The following CBL variants were observed in gnomAD, a reference collection of about 807,000 sequenced individuals.
The protein encoded by CBL is Cbl proto-oncogene, also known as E3 ubiquitin-protein ligase CBL.
CBL carries 45 observed loss-of-function variants against 96.9 expected under a neutral mutation model. The ratio of observed to expected loss-of-function variants is 0.46; its 90% CI spans 0.37 to 0.60. The LOEUF (loss-of-function observed/expected upper bound fraction) is 0.60, where lower values mean the gene tolerates loss of function less well. CBL is among the 20% of genes least tolerant of loss of function. CBL has a pLI of 0.00. For synonymous variants in CBL, 420 were observed against 426.8 expected, an observed-to-expected ratio of 0.98 and a Z score of 0.20; for missense variants, 1,024 against 1,143.5, an observed-to-expected ratio of 0.90 and a Z score of 1.51.
intron 1 of CBL, among the ~76,000 whole-genome samples, chr11:119,220,997 G>A (rs1250385205): frequency 6.6e-6 from 1 of 152,100 alleles, no homozygotes; most frequent in Non-Finnish European, 1.5e-5. Context: ...TGTAATCCCA[G>A]CACTTTGGGA....
chr11:119,283,786 C>T (rs1472989029), intron 9 of CBL, among the ~76,000 whole-genome samples: 3 of 150,972 alleles, frequency 2.0e-5, no homozygotes, highest in Non-Finnish European at 4.4e-5. Context: ...TACAGGCGCC[C>T]GCCACCACAC....
intron 2 of CBL, among the ~76,000 whole-genome samples, chr11:119,244,280 G>A (rs1949607997): frequency 6.6e-6 from 1 of 152,148 alleles, no homozygotes. Context: ...AATAGTGCTT[G>A]TAGAGCAGTA....
chr11:119,227,958 T>C (rs1377790064), intron 1 of CBL, among the ~76,000 whole-genome samples: 4 of 152,244 alleles, frequency 2.6e-5, no homozygotes, highest in Non-Finnish European at 4.4e-5. Flanking sequence ...CTGACACATA[T>C]TTGTTGAATG....
At chr11:119,277,974 T>G (rs1268480594) in intron 7 of CBL, 130 bp downstream of exon 7, 1 of 875,752 alleles carries the variant, frequency 1.1e-6, no homozygotes, top group Non-Finnish European at 1.9e-6. Context: ...GTATGTGGTT[T>G]CACTTTAAAC....
chr11:119,278,168 A>G lies in CBL; in HGVS notation c.1098A>G (p.Glu366=). The change falls in exon 8 of 16, where the codon GAA becomes GAG. Residue 366 remains glutamate (E), a splice_region_variant and synonymous_variant. Transcript: ENST00000264033. ...CTTTTAATTTTTTTTAATCAAAGGA[A>G]CAATATGAATTATACTGTGAGATGG... ...TPQDHIKVTQ[E]QYELYCEMGS... is the part of the protein sequence containing the mutation. The G allele has an allele frequency of 1.3e-6, 2 of 1,596,222 alleles. No individual in the cohort carries two copies. The highest frequency in any genetic ancestry group is 1.7e-6 in the Non-Finnish European group (2 of 1,163,838).
chr11:119,274,350 G>A (rs1949871889), intron 4 of CBL, among the ~76,000 whole-genome samples: 1 of 151,980 alleles, frequency 6.6e-6, no homozygotes, highest in Non-Finnish European at 1.5e-5. Context: ...TTCTGATATT[G>A]GATATTTGTG....
At chr11:119,225,972 A>G (rs1949455733) in intron 1 of CBL, among the ~76,000 whole-genome samples, 1 of 151,764 alleles carries the variant, frequency 6.6e-6, no homozygotes. Context: ...CAGGTAATCC[A>G]CCTGCCTTGG....
rs1950086121 is a variant in CBL at position 119,299,571 on chromosome 11, T to C, written c.2511T>C (p.Ala837=). The C allele has an allele frequency of 1.9e-6, 3 of 1,614,212 alleles. No individual in the cohort carries two copies. Among genetic ancestry groups the C allele is most frequent in the Non-Finnish European group, 1.7e-6 (2 of 1,180,026 alleles). ...GGAGAATCAACTCTGAACGGAAAGC[T>C]GGCAGCTGTCAGCAAGGTAGTGGTC... ...FPRRINSERK[A]GSCQQGSGPA... Residue 837 remains alanine, a synonymous_variant, in exon 16 of 16, where the codon GCT becomes GCC. Transcript: ENST00000264033.
At chr11:119,259,894 T>C (rs1489092914) in intron 2 of CBL, among the ~76,000 whole-genome samples, 1 of 152,212 alleles carries the variant, frequency 6.6e-6, no homozygotes, top group Admixed American at 6.5e-5. Flanking sequence ...TTTTGTATCC[T>C]TCCGATTCTA....
chr11:119,284,513 G>T (rs1364085574), intron 9 of CBL, among the ~76,000 whole-genome samples: 1 of 151,822 alleles, frequency 6.6e-6, no homozygotes, highest in Non-Finnish European at 1.5e-5. Context: ...TGCCCATACT[G>T]GTCTCGAACT....
chr11:119,253,082 A>C (rs555448967), intron 2 of CBL, among the ~76,000 whole-genome samples: 168 of 152,202 alleles, frequency 1.1e-3, no homozygotes, highest in African/African-American at 3.7e-3. Context: ...ATAAGGTTAC[A>C]TGCACATATC....
intron 2 of CBL, among the ~76,000 whole-genome samples, chr11:119,237,847 G>A (rs963255685): frequency 1.3e-5 from 2 of 151,992 alleles, no homozygotes; most frequent in Admixed American, 6.6e-5. Context: ...TTTCAAGATT[G>A]TTTTGGCTGC....
intron 1 of CBL, among the ~76,000 whole-genome samples, chr11:119,228,606 C>CA (rs1166589178): frequency 0.057 from 6,914 of 121,102 alleles, 521 homozygotes; most frequent in African/African-American, 0.19. Context: ...AACTCCATCT[C>CA]AAAAAAAAAA....
At position 119,285,403 on chromosome 11, in the gene CBL, G is replaced by C. The variant is rs730880435; in HGVS notation, c.1778G>C (p.Arg593Pro). The C allele has an allele frequency of 6.2e-7, 1 of 1,613,914 alleles. No individual in the cohort carries two copies. The highest frequency in any genetic ancestry group is 8.5e-7 in the Non-Finnish European group (1 of 1,180,020). ...SSRLGDSWLPRPIPKVPVSAP... is the reference protein window; with the variant it reads ...SSRLGDSWLPPPIPKVPVSAP... ...CGCCTTGGAGACTCATGGCTGCCCC[G>C]GCCAATCCCCAAAGTACCAGTATCT... Residue 593 changes from arginine (R) to proline (P), a missense_variant, in exon 11 of 16, where the codon CGG becomes CCG. Arg to Pro is a moderately radical substitution (Grantham distance 103). This residue lies in a region of CBL where 695 missense variants were observed against 661.6 expected (regional missense o/e 1.05). Transcript: ENST00000264033.
intron 2 of CBL, among the ~76,000 whole-genome samples, chr11:119,241,533 A>G (rs939829764): frequency 1.3e-5 from 2 of 152,188 alleles, no homozygotes; most frequent in African/African-American, 4.8e-5. Flanking sequence ...GTCTTTTTCC[A>G]TTAGTTTCCA....
At chr11:119,219,788 AT>A in intron 1 of CBL, among the ~76,000 whole-genome samples, 1 of 149,302 alleles carries the variant, frequency 6.7e-6, no homozygotes, top group Admixed American at 6.7e-5. Flanking sequence ...GGTTCAAGTG[AT>A]TCTCCTGCCT....
At chr11:119,288,539 C>CTA (rs1950002190) in intron 12 of CBL, among the ~76,000 whole-genome samples, 1 of 152,096 alleles carries the variant, frequency 6.6e-6, no homozygotes, top group Non-Finnish European at 1.5e-5. Flanking sequence ...GACACCAATG[C>CTA]TACTGGGTCC....
rs917222159 is a variant in CBL, at chr11:119,226,172, A to G, written c.196-6276A>G. Among the ~76,000 whole-genome samples the G allele has an allele frequency of 3.3e-5, 5 of 152,184 alleles. No homozygotes were observed. In the East Asian group the frequency reaches 7.7e-4, roughly 23 times the overall value. ...CTCTATTTCTTGGTTACCAGAGACC[A>G]TGCAGGACTGGGACAGTAGTTGTGT... On this transcript the variant is annotated intron_variant, in intron 1 of 15. Transcript: ENST00000264033.
rs942485917 is a variant in CBL at position 119,304,467 on chromosome 11, T to G, written c.*4686T>G. On this transcript the variant is annotated 3_prime_UTR_variant, in exon 16 of 16. Coordinates refer to ENST00000264033, the MANE Select transcript of CBL (RefSeq NM_005188.4). The stretch of plus-strand genomic sequence containing the variant: ...CAGGACGGGAAGTGCCTTTGGTTCT[T>G]GGGTGGAGCTGGAACTGCAGAGCTT... The G allele has an allele frequency of 2.6e-5, 6 of 233,036 alleles. No individual in the cohort carries two copies. The highest frequency in any genetic ancestry group is 1.3e-4 in the African/African-American group (6 of 45,304). The allele number at this position is 233,036 out of a possible 1,614,324, so 14.4% of individuals were successfully genotyped here.
Sources: allele counts gnomAD v4.1 joint callset (sites outside exome capture counted in the v4.1 genomes callset), GRCh38; gene constraint gnomAD v4.1.1; regional missense constraint gnomAD v4.1.1; transcripts MANE v1.5; gene names NCBI Gene and HGNC (gene_info 2026-07-23, HGNC 2026-07-21).